GLI3: variants seen among roughly 807,000 people sequenced by gnomAD.
The protein encoded by GLI3 is GLI family zinc finger 3, also known as transcription activator GLI3.
In GLI3, 20 loss-of-function variants were observed where a neutral mutation model predicts 100.8. The observed-to-expected ratio is 0.20, with a 90% CI of 0.14 to 0.29. GLI3 has a LOEUF of 0.29. GLI3 is among the 10% of genes least tolerant of loss of function. The pLI, the probability that GLI3 is intolerant of heterozygous loss-of-function variation, is 1.00. For synonymous variants in GLI3, 938 were observed against 860.5 expected (o/e 1.09, Z -1.58); for missense variants, 2,040 against 2,128.5 (o/e 0.96, Z 0.82).
chr7:42,179,972 G>A (rs920596162), intron 2 of GLI3, among the ~76,000 whole-genome samples: 7 of 152,214 alleles, frequency 4.6e-5, no homozygotes, highest in African/African-American at 1.7e-4. Context: ...AGAGAGCAGG[G>A]CTGGAAGAAT....
At chr7:42,070,661 C>T (rs866099164) in intron 4 of GLI3, among the ~76,000 whole-genome samples, 3 of 152,224 alleles carry the variant, frequency 2.0e-5, no homozygotes, top group African/African-American at 4.8e-5. Flanking sequence ...TGTGCTTAGC[C>T]TATAGTAAGT....
intron 4 of GLI3, among the ~76,000 whole-genome samples, chr7:42,058,851 G>T (rs905995918): frequency 1.3e-5 from 2 of 152,266 alleles, no homozygotes; most frequent in Admixed American, 1.3e-4. Context: ...TGCCAAATTT[G>T]TCTCTACTCT....
At chr7:42,183,009 C>T (rs891512036) in intron 2 of GLI3, among the ~76,000 whole-genome samples, 3 of 151,828 alleles carry the variant, frequency 2.0e-5, no homozygotes, top group African/African-American at 7.3e-5. Context: ...TCACTTGAGG[C>T]CAGGAGTTCA....
chr7:42,199,621 C>T (rs1415645714), intron 2 of GLI3, among the ~76,000 whole-genome samples: 2 of 152,292 alleles, frequency 1.3e-5, no homozygotes, highest in East Asian at 1.9e-4. Flanking sequence ...TGTGAGCACA[C>T]GTGTGTCCTC....
intron 2 of GLI3, among the ~76,000 whole-genome samples, chr7:42,166,323 A>G (rs1787240183): frequency 6.6e-6 from 1 of 152,236 alleles, no homozygotes; most frequent in South Asian, 2.1e-4. Flanking sequence ...GCACTAGTGA[A>G]GTATTCTACA....
chr7:42,177,846 T>A (rs1336175720), intron 2 of GLI3, among the ~76,000 whole-genome samples: 1 of 152,206 alleles, frequency 6.6e-6, no homozygotes, highest in Admixed American at 6.5e-5. Flanking sequence ...GAGGCTCACA[T>A]GCTGCTGGGA....
chr7:42,079,438 G>A (rs1021328789), intron 3 of GLI3, among the ~76,000 whole-genome samples: 5 of 152,124 alleles, frequency 3.3e-5, no homozygotes, highest in Non-Finnish European at 5.9e-5. Flanking sequence ...ATTCAAATCC[G>A]GGTGAGGGTG....
chr7:42,202,344 TCTCACACACA>T lies in GLI3; in HGVS notation c.124+20776_124+20785del, dbSNP rs1425814232. Among the ~76,000 whole-genome samples, 44 of 35,436 alleles carry T rather than the reference TCTCACACACA, an allele frequency of 1.2e-3. 1 individual carries two copies. In the South Asian group the frequency reaches 0.045, roughly 37 times the overall value. 23.2% of individuals were successfully genotyped at this position (35,436 alleles called of 152,430 possible). A position where few individuals can be genotyped will look rare whatever the true frequency, so the allele number is the denominator to read the frequency against. On this transcript the variant is annotated intron_variant, in intron 2 of 14. Coordinates refer to ENST00000395925, the MANE Select transcript of GLI3 (RefSeq NM_000168.6). Reference sequence around the variant, plus strand: ...GTCTCTCTCTCTCTCTCTCTCTCTCTCTCACACACACACACACACACACACACACACACAC... The same window carrying T: ...GTCTCTCTCTCTCTCTCTCTCTCTCTCACACACACACACACACACACACAC...
At chr7:42,064,046 C>T (rs1258032668) in intron 4 of GLI3, among the ~76,000 whole-genome samples, 1 of 152,162 alleles carries the variant, frequency 6.6e-6, no homozygotes, top group Non-Finnish European at 1.5e-5. Context: ...AATTGTAGTG[C>T]CATGGCAGGT....
intron 2 of GLI3, among the ~76,000 whole-genome samples, chr7:42,170,548 G>A (rs1787350312): frequency 6.6e-6 from 1 of 151,448 alleles, no homozygotes; most frequent in Non-Finnish European, 1.5e-5. Context: ...GACTACAGGT[G>A]CCTGCCACCA....
chr7:42,006,132 CT>C (rs1307098243), intron 10 of GLI3, among the ~76,000 whole-genome samples: 2 of 152,194 alleles, frequency 1.3e-5, no homozygotes, highest in African/African-American at 4.8e-5. Flanking sequence ...ATGGATCCCC[CT>C]GTACTTAAAA....
intron 3 of GLI3, among the ~76,000 whole-genome samples, chr7:42,141,666 C>T (rs1044098070): frequency 1.2e-4 from 18 of 151,746 alleles, no homozygotes; most frequent in South Asian, 8.3e-4. Context: ...AGCAAGACTC[C>T]GCCTCAAAAA....
chr7:42,108,556 A>G (rs1785630798), intron 3 of GLI3, among the ~76,000 whole-genome samples: 1 of 152,186 alleles, frequency 6.6e-6, no homozygotes, highest in Non-Finnish European at 1.5e-5. Context: ...TCCTTTGTGC[A>G]GTAAACACCC....
intron 2 of GLI3, among the ~76,000 whole-genome samples, chr7:42,212,667 G>A (rs891501937): frequency 2.0e-5 from 3 of 152,190 alleles, no homozygotes; most frequent in Non-Finnish European, 4.4e-5. Context: ...ATAAGGAAAG[G>A]CCGAGTTCTC....
chr7:42,083,610 T>C (rs1206635458), intron 3 of GLI3, among the ~76,000 whole-genome samples: 2 of 152,214 alleles, frequency 1.3e-5, no homozygotes, highest in East Asian at 1.9e-4. Context: ...TGGAAAAAGG[T>C]TGACAAACCC....
rs1385089654 is a variant in GLI3 at position 42,026,335 on chromosome 7, C to T, written c.1106G>A (p.Ser369Asn). The T allele has an allele frequency of 5.0e-6, 8 of 1,614,134 alleles. No individual in the cohort carries two copies. Among genetic ancestry groups the T allele is most frequent in the Non-Finnish European group, 6.8e-6 (8 of 1,180,020 alleles). The change falls in exon 8 of 15, where the codon AGC becomes AAC. Residue 369 changes from serine to asparagine, a missense_variant. Physicochemically the swap from Ser to Asn is conservative, Grantham distance 46 (BLOSUM62 1). Coordinates refer to ENST00000395925, the MANE Select transcript of GLI3 (RefSeq NM_000168.6). The part of the protein sequence containing the change: ...MHQQILSRQQ[S>N]LGSAFGHSPP... ...GCTGTGTCCAAAGGCTGAACCTAAGCTCTGTTGTCGGCTTAGGATCTGCTG... is the reference window on the plus strand; with the variant it reads ...GCTGTGTCCAAAGGCTGAACCTAAGTTCTGTTGTCGGCTTAGGATCTGCTG...
chr7:42,004,221 G>A (rs190529472), intron 10 of GLI3, among the ~76,000 whole-genome samples: 56 of 152,254 alleles, frequency 3.7e-4, no homozygotes, highest in African/African-American at 1.2e-3. Context: ...TACAAAACTG[G>A]TGTTATACAA....
chr7:42,062,016 G>C (rs1277887973), intron 4 of GLI3, among the ~76,000 whole-genome samples: 1 of 152,108 alleles, frequency 6.6e-6, no homozygotes, highest in Non-Finnish European at 1.5e-5. Flanking sequence ...TAAAGGAGGA[G>C]AGATTCATCT....
intron 2 of GLI3, among the ~76,000 whole-genome samples, chr7:42,166,465 G>A (rs1038183278): frequency 6.6e-6 from 1 of 152,014 alleles, no homozygotes; most frequent in Non-Finnish European, 1.5e-5. Flanking sequence ...TTTCTGATCG[G>A]GATGAGGCCC....
Sources: allele counts gnomAD v4.1 joint callset (sites outside exome capture counted in the v4.1 genomes callset), GRCh38; gene constraint gnomAD v4.1.1; transcripts MANE v1.5; gene names NCBI Gene and HGNC (gene_info 2026-07-23, HGNC 2026-07-21).